CC2D2B: variants seen among roughly 807,000 people sequenced by gnomAD.
CC2D2B encodes coiled-coil and C2 domain containing 2B.
In CC2D2B, 128 loss-of-function variants were observed where a neutral mutation model predicts 161.2. The ratio of observed to expected loss-of-function variants is 0.79; its 90% CI spans 0.69 to 0.92. The LOEUF (loss-of-function observed/expected upper bound fraction) is 0.92, where lower values mean the gene tolerates loss of function less well. Ranked by LOEUF, CC2D2B falls within the 40% of genes least tolerant of loss-of-function variation. The pLI, the probability that CC2D2B is intolerant of heterozygous loss-of-function variation, is 0.00. For synonymous variants in CC2D2B, 391 were observed against 449.8 expected (o/e 0.87, Z 1.65); for missense variants, 1,173 against 1,375.1 (o/e 0.85, Z 2.32).
rs1399819224 is a variant in CC2D2B, at chr10:96,029,284, ATG to A, written c.4125+1897_4125+1898del. On this transcript the variant is annotated intron_variant, in intron 34 of 34. Coordinates refer to ENST00000646931, the MANE Select transcript of CC2D2B (RefSeq NM_001349008.3). ...TATATATATATATATATATATATAT[ATG>A]TATATATATATATATATATGTATAT... Among the ~76,000 whole-genome samples the A allele has an allele frequency of 1.9e-3, 104 of 53,612 alleles. 1 individual carries two copies. The highest frequency in any genetic ancestry group is 5.3e-3 in the East Asian group (7 of 1,310). The allele number at this position is 53,612 out of a possible 152,430, so 35.2% of individuals were successfully genotyped here.
chr10:96,025,191 AAATAT>A (rs1267953308), intron 33 of CC2D2B, among the ~76,000 whole-genome samples: 1,011 of 50,646 alleles, frequency 0.02, 39 homozygotes, highest in African/African-American at 0.042. Context: ...ATATAAAAAA[AAATAT>A]ATATATATAT....
intron 3 of CC2D2B, among the ~76,000 whole-genome samples, chr10:95,924,020 T>G (rs2098533431): frequency 6.6e-6 from 1 of 150,450 alleles, no homozygotes; most frequent in Non-Finnish European, 1.5e-5. Flanking sequence ...AAACTCTGTC[T>G]CAAAAAAAAT....
At chr10:95,956,272 C>T (rs996280229) in intron 11 of CC2D2B, among the ~76,000 whole-genome samples, 1 of 152,012 alleles carries the variant, frequency 6.6e-6, no homozygotes, top group Non-Finnish European at 1.5e-5. Flanking sequence ...CAGTTTACAA[C>T]CTCTTCTATC....
intron 9 of CC2D2B, among the ~76,000 whole-genome samples, chr10:95,943,536 A>C (rs1287629178): frequency 6.6e-6 from 1 of 152,122 alleles, no homozygotes; most frequent in Non-Finnish European, 1.5e-5. Context: ...CTGACTTCTT[A>C]ATTTTACATA....
At chr10:95,947,771 G>A (rs2076274313) in intron 9 of CC2D2B, among the ~76,000 whole-genome samples, 1 of 151,686 alleles carries the variant, frequency 6.6e-6, no homozygotes, top group Non-Finnish European at 1.5e-5. Flanking sequence ...AAAAAAAGAT[G>A]GACTAAAACA....
At chr10:95,907,808 T>A (rs1355782941), upstream of CC2D2B, 1 of 151,588 alleles carries the variant, frequency 6.6e-6, no homozygotes, top group Non-Finnish European at 1.5e-5. Context: ...GGGGCGGGGG[T>A]GATAGACCCC....
upstream of CC2D2B, chr10:95,907,798 G>C (rs568140860): frequency 6.6e-6 from 1 of 152,540 alleles, no homozygotes; most frequent in South Asian, 2.1e-4. Flanking sequence ...GCAGAGGCGA[G>C]GGGCGGGGGT....
At chr10:95,992,410 C>A in intron 21 of CC2D2B, 117 bp from the exon 22 acceptor site, 1 of 779,492 alleles carries the variant, frequency 1.3e-6, no homozygotes, top group Non-Finnish European at 1.7e-6. Context: ...TGTCTCCCCT[C>A]CATAATGCAG....
intron 24 of CC2D2B, chr10:96,000,277 G>C: frequency 9.2e-7 from 1 of 1,081,952 alleles, no homozygotes; most frequent in Non-Finnish European, 1.1e-6. Context: ...GGCTGCTCCA[G>C]CCGAAAGGAT....
chr10:96,001,646 C>T (rs2078503423), intron 24 of CC2D2B, among the ~76,000 whole-genome samples: 1 of 152,296 alleles, frequency 6.6e-6, no homozygotes, highest in South Asian at 2.1e-4. Context: ...CTGTTTATGC[C>T]ATTATTTCAA....
At chr10:95,934,238 C>T (rs1590418807) in intron 6 of CC2D2B, among the ~76,000 whole-genome samples, 1 of 152,160 alleles carries the variant, frequency 6.6e-6, no homozygotes, top group South Asian at 2.1e-4. Flanking sequence ...CCCCACCAAG[C>T]TTGAGCGTCC....
Position 95,988,290 on chromosome 10 carries a change from A to T in CC2D2B, c.2327A>T (p.Asp776Val). The change falls in exon 20 of 35, where the codon GAT (aspartate) becomes GTT (valine). Residue 776 changes from aspartate to valine, a missense_variant. Asp to Val is a radical substitution (Grantham distance 152). Coordinates refer to ENST00000646931, the MANE Select transcript of CC2D2B (RefSeq NM_001349008.3). ...AAAGAGAAGGAGGTATCCGTTTCAG[A>T]TGTAAATTCTATTACAGCACAAAGG... ...SQKEKEVSVS[D>V]VNSITAQRIN... 8.1e-7 allele frequency: 1 copy of T among 1,228,214 alleles called. No homozygotes were observed. Among genetic ancestry groups the T allele is most frequent in the Non-Finnish European group, 1.0e-6 (1 of 982,698 alleles). 76.1% of individuals were successfully genotyped at this position (1,228,214 alleles called of 1,614,324 possible).
intron 30 of CC2D2B, among the ~76,000 whole-genome samples, chr10:96,018,133 AG>A (rs2079286390): frequency 6.6e-6 from 1 of 152,226 alleles, no homozygotes; most frequent in Admixed American, 6.5e-5. Flanking sequence ...AGTGAATGAA[AG>A]TGACAAAGTT....
At chr10:95,969,823 A>C (rs1360682241) in intron 15 of CC2D2B, among the ~76,000 whole-genome samples, 1 of 152,032 alleles carries the variant, frequency 6.6e-6, no homozygotes, top group African/African-American at 2.4e-5. Context: ...TAATAATCCA[A>C]TCACTTGAAG....
At chr10:95,969,097 G>T (rs201129549) in intron 15 of CC2D2B, among the ~76,000 whole-genome samples, 196 bp downstream of exon 15, 1 of 152,116 alleles carries the variant, frequency 6.6e-6, no homozygotes, top group East Asian at 1.9e-4. Flanking sequence ...AAAGTTATTT[G>T]ATTTGTAGTG....
At chr10:95,933,071 G>T (rs2075670311) in intron 6 of CC2D2B, among the ~76,000 whole-genome samples, 1 of 151,968 alleles carries the variant, frequency 6.6e-6, no homozygotes, top group Non-Finnish European at 1.5e-5. Context: ...TAGAGGCTTT[G>T]TTCATTTCTT....
intron 34 of CC2D2B, among the ~76,000 whole-genome samples, chr10:96,030,507 G>A (rs1008344626): frequency 6.6e-6 from 1 of 152,102 alleles, no homozygotes; most frequent in Non-Finnish European, 1.5e-5. Flanking sequence ...TCTATTGGGA[G>A]TTGAGTACTT....
intron 16 of CC2D2B, among the ~76,000 whole-genome samples, chr10:95,972,945 G>A (rs1003636341): frequency 6.6e-6 from 1 of 152,158 alleles, no homozygotes; most frequent in Non-Finnish European, 1.5e-5. Context: ...AGAGAAGAAA[G>A]AAGGGATGTT....
chr10:95,986,299 G>A (rs1335155278), intron 19 of CC2D2B, among the ~76,000 whole-genome samples: 6 of 151,176 alleles, frequency 4.0e-5, no homozygotes, highest in African/African-American at 1.5e-4. Context: ...TTCTCAGACC[G>A]GCCGACACTT....
Sources: allele counts gnomAD v4.1 joint callset (sites outside exome capture counted in the v4.1 genomes callset), GRCh38; gene constraint gnomAD v4.1.1; transcripts MANE v1.5; gene names NCBI Gene and HGNC (gene_info 2026-07-23, HGNC 2026-07-21).